Variants in ZNF700 observed in about 807,000 individuals in gnomAD.
ZNF700 encodes zinc finger protein 700.
A neutral mutation model predicts 65.3 loss-of-function variants in ZNF700; 38 were observed. That is an observed-to-expected ratio of 0.58 (90% CI 0.45 to 0.76). ZNF700 has a LOEUF of 0.76. Among genes scored for constraint, ZNF700 ranks in the 30% least tolerant of loss-of-function variants. The pLI is 0.00. For synonymous variants in ZNF700, 285 were observed against 290.4 expected, an observed-to-expected ratio of 0.98 and a Z score of 0.19; for missense variants, 857 against 888.4, an observed-to-expected ratio of 0.96 and a Z score of 0.45.
At chr19:11,934,735 C>T (rs1972763834) in intron 1 of ZNF700, among the ~76,000 whole-genome samples, 1 of 147,564 alleles carries the variant, frequency 6.8e-6, no homozygotes, top group Admixed American at 6.7e-5. Flanking sequence ...CCATGTTGGC[C>T]AGGCAGGTCT....
At chr19:11,936,138 T>C (rs1972792074) in intron 1 of ZNF700, among the ~76,000 whole-genome samples, 1 of 152,190 alleles carries the variant, frequency 6.6e-6, no homozygotes, top group African/African-American at 2.4e-5. Context: ...TCCAAGTCTT[T>C]GCTATTGTGA....
intron 1 of ZNF700, among the ~76,000 whole-genome samples, chr19:11,943,928 G>T (rs1972921975): frequency 6.6e-6 from 1 of 152,056 alleles, no homozygotes; most frequent in Admixed American, 6.6e-5. Flanking sequence ...ACTTTGCAGG[G>T]GTTTTCCAGG....
chr19:11,935,059 C>T (rs1972770627), intron 1 of ZNF700, among the ~76,000 whole-genome samples: 1 of 144,732 alleles, frequency 6.9e-6, no homozygotes, highest in Non-Finnish European at 1.5e-5. Context: ...CGCCTATAGT[C>T]CCAGCTACTG....
intron 1 of ZNF700, among the ~76,000 whole-genome samples, chr19:11,931,259 C>A (rs1424936663): frequency 6.8e-6 from 1 of 147,980 alleles, no homozygotes; most frequent in Middle Eastern, 3.2e-3. Context: ...AGAGAGCTGG[C>A]AGATCTAGTG....
intron 1 of ZNF700, among the ~76,000 whole-genome samples, chr19:11,935,609 A>G (rs533105976): frequency 6.6e-6 from 1 of 152,188 alleles, no homozygotes; most frequent in Non-Finnish European, 1.5e-5. Flanking sequence ...ATACCAGTCC[A>G]TCACCAGATA....
At chr19:11,933,181 G>A (rs977705378) in intron 1 of ZNF700, among the ~76,000 whole-genome samples, 2 of 146,694 alleles carry the variant, frequency 1.4e-5, no homozygotes, top group Non-Finnish European at 3.0e-5. Context: ...ACTTAGAGAG[G>A]CTGAAATGGG....
intron 1 of ZNF700, among the ~76,000 whole-genome samples, chr19:11,941,195 C>G (rs1972877059): frequency 6.6e-6 from 1 of 152,264 alleles, no homozygotes; most frequent in Admixed American, 6.5e-5. Context: ...TAAAGTTTCT[C>G]CACGTCCCCA....
chr19:11,939,663 G>A (rs780062559), intron 1 of ZNF700, among the ~76,000 whole-genome samples: 38 of 152,130 alleles, frequency 2.5e-4, no homozygotes, highest in Admixed American at 4.6e-4. Flanking sequence ...GTTCCACCAC[G>A]TTGGCCAGGC....
At chr19:11,930,608 C>A (rs1465901587) in intron 1 of ZNF700, among the ~76,000 whole-genome samples, 1 of 148,508 alleles carries the variant, frequency 6.7e-6, no homozygotes, top group East Asian at 1.9e-4. Context: ...TGATTATTCT[C>A]CTGTAGATAA....
rs1255364785 is a variant in ZNF700, at chr19:11,949,174, C to CA, written c.1151dup (p.His384GlnfsTer8). Reference sequence around the variant, plus strand: ...GTCATTTCAAACACATGAAAAAACTCACACTGGAGAGAAACGCTATAAATG... The same window carrying CA: ...GTCATTTCAAACACATGAAAAAACTCAACACTGGAGAGAAACGCTATAAATG... On this transcript the variant is annotated frameshift_variant, in exon 4 of 4. Coordinates refer to ENST00000254321, the MANE Select transcript of ZNF700 (RefSeq NM_144566.3). LOFTEE classifies it high-confidence loss of function. 6 of 1,612,240 alleles carry CA rather than the reference C, an allele frequency of 3.7e-6. No individual in the cohort carries two copies. The highest frequency in any genetic ancestry group is 5.1e-6 in the Non-Finnish European group (6 of 1,179,636).
At position 11,948,896 on chromosome 19, in the gene ZNF700, G is replaced by A. The variant is rs1178446368; in HGVS notation, c.872G>A (p.Ser291Asn). 11 of 1,603,908 alleles carry A rather than the reference G, an allele frequency of 6.9e-6. No individual in the cohort carries two copies. The highest frequency in any genetic ancestry group is 9.3e-6 in the Non-Finnish European group (11 of 1,177,870). Residue 291 changes from serine to asparagine, a missense_variant, in exon 4 of 4, where the codon AGT (serine) becomes AAT (asparagine). By Grantham distance (46) the Ser-to-Asn change is conservative. Coordinates refer to ENST00000254321, the MANE Select transcript of ZNF700 (RefSeq NM_144566.3). The part of the protein sequence containing the change: ...SKCDKAFHSS[S>N]SYHRHERSHM... ...TGTGATAAAGCATTTCATAGTTCTA[G>A]TTCCTATCATAGACATGAAAGAAGT...
At position 11,931,694 on chromosome 19, in the gene ZNF700, T is replaced by A. The variant is rs1475339892; in HGVS notation, c.63+6421T>A. 3.4e-5 allele frequency among the ~76,000 whole-genome samples: 5 copies of A among 148,640 alleles called. 1 individual carries two copies. The highest frequency in any genetic ancestry group is 7.4e-5 in the Non-Finnish European group (5 of 67,950). The stretch of plus-strand genomic sequence containing the variant: ...GGTTACATCATAGTGATACTTAATC[T>A]CCTTTTAAGGACACATGGCATTTTT... On this transcript the variant is annotated intron_variant, in intron 1 of 3. Coordinates refer to ENST00000254321, the MANE Select transcript of ZNF700 (RefSeq NM_144566.3).
chr19:11,949,178 C>G lies in ZNF700; in HGVS notation c.1154C>G (p.Thr385Ser), dbSNP rs754145529. Reference sequence around the variant, plus strand: ...TTTCAAACACATGAAAAAACTCACACTGGAGAGAAACGCTATAAATGCAAG... The same window carrying G: ...TTTCAAACACATGAAAAAACTCACAGTGGAGAGAAACGCTATAAATGCAAG... ...KSFQTHEKTH[T>S]GEKRYKCKQC... is the part of the protein sequence containing the mutation. Residue 385 changes from threonine (T) to serine (S), a missense_variant, in exon 4 of 4, where the codon ACT (threonine) becomes AGT (serine). This residue lies in a region of ZNF700 where 603 missense variants were observed against 619.9 expected (regional missense o/e 0.97). Coordinates refer to ENST00000254321, the MANE Select transcript of ZNF700 (RefSeq NM_144566.3). 4 of 1,612,812 alleles carry G rather than the reference C, an allele frequency of 2.5e-6. No individual in the cohort carries two copies. The highest frequency in any genetic ancestry group is 1.7e-5 in the Admixed American group (1 of 59,646).
intron 1 of ZNF700, among the ~76,000 whole-genome samples, chr19:11,931,900 G>C (rs1972719369): frequency 2.0e-5 from 3 of 148,122 alleles, no homozygotes; most frequent in African/African-American, 7.9e-5. Flanking sequence ...CAGATAGCCT[G>C]AGTTCAGGAG....
Position 11,933,265 on chromosome 19 carries a change from A to AG in ZNF700, c.63+7992_63+7993insG, listed in dbSNP as rs1491285081. 2.7e-5 allele frequency among the ~76,000 whole-genome samples: 4 copies of AG among 147,946 alleles called. 1 individual carries two copies. Among genetic ancestry groups the AG allele is most frequent in the African/African-American group, 7.9e-5 (3 of 37,786 alleles). ...AGGCCCTGTTTCAAAAAAAAAAAAA[A>AG]TGTTTTAAACCAAGGAAACCATATT... is the stretch of plus-strand genomic sequence containing the variant. On this transcript the variant is annotated intron_variant, in intron 1 of 3. Transcript: ENST00000254321.
chr19:11,947,193 T>C lies in ZNF700; in HGVS notation c.76T>C (p.Phe26Leu), dbSNP rs780051954. The change falls in exon 2 of 4, where the codon TTT (phenylalanine) becomes CTT (leucine). Residue 26 changes from phenylalanine (F) to leucine (L), a missense_variant. Phe to Leu is a conservative substitution (Grantham distance 22). Transcript: ENST00000254321. ...TGAGATGTTTCAGGACCCAGTGGCC[T>C]TTGAGGATGTGGCTGTGAACTTCAC... ...SESREMDPVAFEDVAVNFTQE... is the reference protein window; with the variant it reads ...SESREMDPVALEDVAVNFTQE... 1 of 1,613,784 alleles carries C rather than the reference T, an allele frequency of 6.2e-7. No individual in the cohort carries two copies. Among genetic ancestry groups the C allele is most frequent in the Non-Finnish European group, 8.5e-7 (1 of 1,179,930 alleles).
chr19:11,946,945 G>C (rs1033961454), intron 1 of ZNF700: 30 of 744,608 alleles, frequency 4.0e-5, no homozygotes, highest in Non-Finnish European at 5.4e-5. Flanking sequence ...CCAATATCAC[G>C]CCATTGTACT....
intron 3 of ZNF700, 46 bp from the exon 4 acceptor site, chr19:11,948,230 G>T: frequency 1.3e-6 from 2 of 1,580,600 alleles, no homozygotes; most frequent in Non-Finnish European, 1.7e-6. Flanking sequence ...TAATATAGAA[G>T]TACTTGTAAA....
In ZNF700 at chr19:11,931,754, A is replaced by G. The variant is rs575833680; in HGVS notation, c.63+6481A>G. 2.5e-4 allele frequency among the ~76,000 whole-genome samples: 37 copies of G among 148,168 alleles called. 3 individuals carry two copies. The South Asian group carries it at 6.0e-3, about 24-fold the overall frequency. ...GCATTTTATACTGATGTTTTTCAGTATAAACTTTTTGCATAATAATCATTT... is the reference window on the plus strand; with the variant it reads ...GCATTTTATACTGATGTTTTTCAGTGTAAACTTTTTGCATAATAATCATTT... On this transcript the variant is annotated intron_variant, in intron 1 of 3. Coordinates refer to ENST00000254321, the MANE Select transcript of ZNF700 (RefSeq NM_144566.3).
Sources: allele counts gnomAD v4.1 joint callset (sites outside exome capture counted in the v4.1 genomes callset), GRCh38; gene constraint gnomAD v4.1.1; regional missense constraint gnomAD v4.1.1; transcripts MANE v1.5; gene names NCBI Gene and HGNC (gene_info 2026-07-23, HGNC 2026-07-21).